The following ZACN variants were observed in gnomAD, a reference collection of about 807,000 sequenced individuals.
ZACN encodes zinc activated ion channel.
Under a neutral mutation model 38.9 loss-of-function variants are expected in ZACN, and 52 were observed. The ratio of observed to expected loss-of-function variants is 1.34; its 90% CI spans 1.07 to 1.68. ZACN has a LOEUF of 1.68. Ranked by LOEUF, ZACN falls within the 40% of genes most tolerant of loss-of-function variation. ZACN has a pLI of 0.00. For missense variants in ZACN, 559 were observed against 525.6 expected (o/e 1.06, Z -0.62); for synonymous variants, 235 against 227.4 (o/e 1.03, Z -0.30).
In ZACN at chr17:76,081,865, T is replaced by G. The variant is rs1282779081; in HGVS notation, c.881-17T>G. 6.2e-7 allele frequency: 1 copy of G among 1,608,502 alleles called. No individual in the cohort carries two copies. Among genetic ancestry groups the G allele is most frequent in the African/African-American group, 1.3e-5 (1 of 74,858 alleles). ...GGACTGGCCCCTGAGCATCTCCCTG[T>G]GCCCTGCCTCCCCCAGTTTACTACT... On this transcript the variant is annotated splice_polypyrimidine_tract_variant and intron_variant, in intron 7 of 8. Coordinates refer to ENST00000334586, the MANE Select transcript of ZACN (RefSeq NM_180990.4).
rs148270220 is a variant in ZACN at position 76,079,499 on chromosome 17, C to T, written c.158C>T (p.Pro53Leu). The change falls in exon 2 of 9, where the codon CCG becomes CTG. Residue 53 changes from proline to leucine, a missense_variant. Coordinates refer to ENST00000334586, the MANE Select transcript of ZACN (RefSeq NM_180990.4). ...SKKVQESIQIPNNGSAPLLVD... is the reference protein window; with the variant it reads ...SKKVQESIQILNNGSAPLLVD... ...AAGGTTCAGGAAAGCATCCAGATCC[C>T]GAACAATGGGAGTGCGCCCCTGCTC... is the stretch of plus-strand genomic sequence containing the variant. The T allele has an allele frequency of 2.5e-5, 41 of 1,614,138 alleles. No individual in the cohort carries two copies. Among genetic ancestry groups the T allele is most frequent in the African/African-American group, 2.5e-4 (19 of 74,996 alleles).
In ZACN at chr17:76,082,003, AG is replaced by A. The variant is rs754796478; in HGVS notation, c.1006del (p.Glu336AsnfsTer20). 8 of 1,611,458 alleles carry A rather than the reference AG, an allele frequency of 5.0e-6. No homozygotes were observed. The East Asian group carries it at 1.8e-4, about 36-fold the overall frequency. The part of the protein sequence containing the change: ...AKSGPSPAPR[G>X]EQREHGNPGP... ...AGAGCGGCCCCAGCCCAGCCCCGAG[AG>A]GGGAACAGCGAGAGCACGGCAACCC... is the stretch of plus-strand genomic sequence containing the variant. On this transcript the variant is annotated frameshift_variant, in exon 8 of 9. Transcript: ENST00000334586. LOFTEE classifies it low-confidence loss of function (END_TRUNC).
At position 76,081,347 on chromosome 17, in the gene ZACN, A is replaced by G. The variant is rs2066962888; in HGVS notation, c.614A>G (p.Tyr205Cys). ...IVSVKREYVV[Y>C]DLKTQVPPQQ... ...AGTGTCAAGAGGGAATACGTAGTTT[A>G]TGATCTGAAGACCCAAGTCCCACCC... The change falls in exon 6 of 9, where the codon TAT becomes TGT. Residue 205 changes from tyrosine (Y) to cysteine (C), a missense_variant. By Grantham distance (194) the Tyr-to-Cys change is radical. Coordinates refer to ENST00000334586, the MANE Select transcript of ZACN (RefSeq NM_180990.4). 3 of 1,614,040 alleles carry G rather than the reference A, an allele frequency of 1.9e-6. No homozygotes were observed. Among genetic ancestry groups the G allele is most frequent in the African/African-American group, 1.3e-5 (1 of 74,938 alleles).
In ZACN at chr17:76,079,948, C is replaced by A. The variant is rs1359798885; in HGVS notation, c.328C>A (p.Leu110Met). The A allele has an allele frequency of 6.2e-7, 1 of 1,600,084 alleles. No homozygotes were observed. Among genetic ancestry groups the A allele is most frequent in the Non-Finnish European group, 8.5e-7 (1 of 1,173,534 alleles). Residue 110 changes from leucine to methionine, a missense_variant, in exon 4 of 9, where the codon CTG (leucine) becomes ATG (methionine). Coordinates refer to ENST00000334586, the MANE Select transcript of ZACN (RefSeq NM_180990.4). Reference protein sequence around the residue: ...TSAHPRHAITLPWESLWTPRL... With the variant: ...TSAHPRHAITMPWESLWTPRL... ...TGCACACCCGCGGCACGCCATCACG[C>A]TGCCCTGGGAGTCTCTCTGGACACC...
At position 76,079,543 on chromosome 17, in the gene ZACN, G is replaced by C; in HGVS notation, c.202G>C (p.Val68Leu). The C allele has an allele frequency of 6.2e-7, 1 of 1,614,208 alleles. No individual in the cohort carries two copies. The highest frequency in any genetic ancestry group is 8.5e-7 in the Non-Finnish European group (1 of 1,180,038). The change falls in exon 2 of 9, where the codon GTC (valine) becomes CTC (leucine). Residue 68 changes from valine to leucine, a missense_variant. Transcript: ENST00000334586. ...APLLVDVRVFVSNVFNVDILR... is the reference protein window; with the variant it reads ...APLLVDVRVFLSNVFNVDILR... Reference sequence around the variant, plus strand: ...CCTGCTCGTGGATGTGCGGGTGTTTGTCTCCAACGTGTTTAATGTGGTAAG... The same window carrying C: ...CCTGCTCGTGGATGTGCGGGTGTTTCTCTCCAACGTGTTTAATGTGGTAAG...
At chr17:76,082,392 G>T in intron 8 of ZACN, 71 bp from the exon 9 acceptor site, 1 of 1,450,684 alleles carries the variant, frequency 6.9e-7, no homozygotes, top group Non-Finnish European at 9.3e-7. Flanking sequence ...GATGACCCCT[G>T]GGGTTCGCTC....
chr17:76,080,106 G>A (rs1034435564), intron 4 of ZACN, 112 bp downstream of exon 4: 29 of 1,460,308 alleles, frequency 2.0e-5, no homozygotes, highest in Middle Eastern at 2.4e-4. Context: ...GGTCCCCGCC[G>A]GACTAGCAGT....
Position 76,082,674 on chromosome 17 carries a change from A to G in ZACN, c.*21A>G. ...TGTAAAGGGGCAGGGCCTGGGCTGC[A>G]CACCTTAGGATGAAGTTTGCTTTCC... On this transcript the variant is annotated 3_prime_UTR_variant, in exon 9 of 9. Coordinates refer to ENST00000334586, the MANE Select transcript of ZACN (RefSeq NM_180990.4). The G allele has an allele frequency of 6.3e-7, 1 of 1,582,974 alleles. No homozygotes were observed. The highest frequency in any genetic ancestry group is 1.1e-5 in the South Asian group (1 of 87,098).
At chr17:76,079,769 G>A in intron 3 of ZACN, 23 bp downstream of exon 3, 2 of 1,612,056 alleles carry the variant, frequency 1.2e-6, no homozygotes, top group Non-Finnish European at 1.7e-6. Flanking sequence ...GCCTGGGGAG[G>A]TGGGATGGGA....
chr17:76,079,996 T>C lies in ZACN; in HGVS notation c.374+2T>C. On this transcript the variant is annotated splice_donor_variant, in intron 4 of 8. Transcript: ENST00000334586. LOFTEE classifies it high-confidence loss of function. Reference sequence around the variant, plus strand: ...ACCAAGGCTCACCATCCTGGAGGCGTAAGTGAGACAGTTCCTGCCCCAGGA... The same window carrying C: ...ACCAAGGCTCACCATCCTGGAGGCGCAAGTGAGACAGTTCCTGCCCCAGGA... 1 of 1,571,214 alleles carries C rather than the reference T, an allele frequency of 6.4e-7. No individual in the cohort carries two copies. The highest frequency in any genetic ancestry group is 8.6e-7 in the Non-Finnish European group (1 of 1,158,486).
In ZACN at chr17:76,081,406, A is replaced by C; in HGVS notation, c.669+4A>C. 1 of 1,614,076 alleles carries C rather than the reference A, an allele frequency of 6.2e-7. No individual in the cohort carries two copies. Among genetic ancestry groups the C allele is most frequent in the East Asian group, 2.2e-5 (1 of 44,876 alleles). ...GGTGCCCTGCTTCCAGGTGACGGTG[A>C]GTCAAGTCGGGAGGAGGCCGACAGA... On this transcript the variant is annotated splice_donor_region_variant and intron_variant, in intron 6 of 8. Transcript: ENST00000334586.
rs529551177 is a variant in ZACN at position 76,081,653 on chromosome 17, G to A, written c.778G>A (p.Glu260Lys). The A allele has an allele frequency of 6.8e-6, 11 of 1,614,024 alleles. No homozygotes were observed. Among genetic ancestry groups the A allele is most frequent in the African/African-American group, 6.7e-5 (5 of 74,942 alleles). ...CGGLLPLRAI[E>K]RIGYKVTLLL... The stretch of plus-strand genomic sequence containing the variant: ...GGGGTTGCTGCCCCTCCGGGCCATT[G>A]AGCGCATAGGCTACAAGGTGACATT... Residue 260 changes from glutamate (E) to lysine (K), a missense_variant, in exon 7 of 9, where the codon GAG (glutamate) becomes AAG (lysine). Transcript: ENST00000334586.
Position 76,082,669 on chromosome 17 carries a change from G to A in ZACN, c.*16G>A, listed in dbSNP as rs776733186. 5 of 1,591,646 alleles carry A rather than the reference G, an allele frequency of 3.1e-6. No individual in the cohort carries two copies. The African/African-American group carries it at 6.7e-5, about 21-fold the overall frequency. On this transcript the variant is annotated 3_prime_UTR_variant, in exon 9 of 9. Coordinates refer to ENST00000334586, the MANE Select transcript of ZACN (RefSeq NM_180990.4). ...TAGACTGTAAAGGGGCAGGGCCTGG[G>A]CTGCACACCTTAGGATGAAGTTTGC...
chr17:76,079,286 C>A lies in ZACN; in HGVS notation c.22C>A (p.Leu8Ile), dbSNP rs971254166. 6.2e-7 allele frequency: 1 copy of A among 1,613,840 alleles called. No individual in the cohort carries two copies. The highest frequency in any genetic ancestry group is 1.3e-5 in the African/African-American group (1 of 74,918). ...GCCGATGATGGCCCTATGGTCCCTG[C>A]TCCATCTCACCTTCCTGGGGTTCAG... MMALWSL[L>I]HLTFLGFSIT... is the part of the protein sequence containing the mutation. Residue 8 changes from leucine to isoleucine, a missense_variant, in exon 1 of 9, where the codon CTC becomes ATC. By Grantham distance (5) the Leu-to-Ile change is conservative. Transcript: ENST00000334586.
intron 4 of ZACN, 59 bp from the exon 5 acceptor site, chr17:76,080,195 CT>C: frequency 1.3e-6 from 2 of 1,540,250 alleles, no homozygotes; most frequent in Non-Finnish European, 1.7e-6. Flanking sequence ...ATGCCAGGGT[CT>C]CCCCCCGGCC....
In ZACN at chr17:76,081,934, T is replaced by G; in HGVS notation, c.933T>G (p.Thr311=). The G allele has an allele frequency of 6.2e-7, 1 of 1,613,304 alleles. No individual in the cohort carries two copies. Among genetic ancestry groups the G allele is most frequent in the Non-Finnish European group, 8.5e-7 (1 of 1,179,872 alleles). The change falls in exon 8 of 9, where the codon ACT becomes ACG. Residue 311 remains threonine, a synonymous_variant. Coordinates refer to ENST00000334586, the MANE Select transcript of ZACN (RefSeq NM_180990.4). ...TGCTCTTCCTCAGCACCATAGAGACTGTGCTGCTGGCTGGGCTGCTGGCCC... is the reference window on the plus strand; with the variant it reads ...TGCTCTTCCTCAGCACCATAGAGACGGTGCTGCTGGCTGGGCTGCTGGCCC... ...LLLLFLSTIE[T]VLLAGLLARG... is the part of the protein sequence containing the mutation.
chr17:76,081,219 C>T, intron 5 of ZACN, 59 bp from the exon 6 acceptor site: 1 of 1,603,890 alleles, frequency 6.2e-7, no homozygotes, highest in Non-Finnish European at 8.5e-7. Flanking sequence ...CTGCTACCCC[C>T]AGACTTGGCA....
rs754846592 is a variant in ZACN at position 76,082,008 on chromosome 17, A to C, written c.1007A>C (p.Glu336Ala). 4 of 1,611,346 alleles carry C rather than the reference A, an allele frequency of 2.5e-6. No individual in the cohort carries two copies. Among genetic ancestry groups the C allele is most frequent in the Non-Finnish European group, 1.7e-6 (2 of 1,179,472 alleles). ...GGCCCCAGCCCAGCCCCGAGAGGGG[A>C]ACAGCGAGAGCACGGCAACCCAGGG... ...KSGPSPAPRG[E>A]QREHGNPGPH... Residue 336 changes from glutamate (E) to alanine (A), a missense_variant, in exon 8 of 9, where the codon GAA becomes GCA. Transcript: ENST00000334586.
In ZACN at chr17:76,079,502, A is replaced by G; in HGVS notation, c.161A>G (p.Asn54Ser). ...GTTCAGGAAAGCATCCAGATCCCGA[A>G]CAATGGGAGTGCGCCCCTGCTCGTG... ...KKVQESIQIP[N>S]NGSAPLLVDV... The change falls in exon 2 of 9, where the codon AAC becomes AGC. Residue 54 changes from asparagine to serine, a missense_variant. Transcript: ENST00000334586. 6.2e-7 allele frequency: 1 copy of G among 1,614,176 alleles called. No individual in the cohort carries two copies. Among genetic ancestry groups the G allele is most frequent in the South Asian group, 1.1e-5 (1 of 91,086 alleles).
Sources: allele counts gnomAD v4.1 joint callset, GRCh38; gene constraint gnomAD v4.1.1; transcripts MANE v1.5; gene names NCBI Gene and HGNC (gene_info 2026-07-23, HGNC 2026-07-21).